Variants in CNTNAP2 observed in about 807,000 individuals in gnomAD.
CNTNAP2 encodes the protein contactin associated protein 2, also known as contactin-associated protein-like 2.
CNTNAP2 carries 98 observed loss-of-function variants against 155.2 expected under a neutral mutation model. The ratio of observed to expected loss-of-function variants is 0.63; its 90% CI spans 0.54 to 0.75. The LOEUF (loss-of-function observed/expected upper bound fraction) is 0.75. CNTNAP2 is among the 30% of genes least tolerant of loss of function. The pLI is 0.00. For missense variants in CNTNAP2, 1,727 were observed against 1,688.1 expected, an observed-to-expected ratio of 1.02 and a Z score of -0.40; for synonymous variants, 651 against 631.2, an observed-to-expected ratio of 1.03 and a Z score of -0.47.
At chr7:147,514,820 C>T (rs1799089666) in intron 11 of CNTNAP2, among the ~76,000 whole-genome samples, 2 of 152,142 alleles carry the variant, frequency 1.3e-5, no homozygotes, top group Admixed American at 1.3e-4. Flanking sequence ...ATGACTCTAT[C>T]ACCGCCATTC....
At chr7:146,770,153 A>G (rs1469011117) in intron 1 of CNTNAP2, among the ~76,000 whole-genome samples, 2 of 151,940 alleles carry the variant, frequency 1.3e-5, no homozygotes, top group Non-Finnish European at 2.9e-5. Flanking sequence ...ATTTTAAACC[A>G]TTTTTATTAC....
At chr7:147,808,374 T>C (rs972521016) in intron 13 of CNTNAP2, among the ~76,000 whole-genome samples, 3 of 152,200 alleles carry the variant, frequency 2.0e-5, no homozygotes, top group Admixed American at 1.3e-4. Flanking sequence ...ATCTCTCATG[T>C]ATGTAGTGGA....
chr7:147,420,024 C>A (rs1797262798), intron 10 of CNTNAP2, among the ~76,000 whole-genome samples: 1 of 152,210 alleles, frequency 6.6e-6, no homozygotes, highest in East Asian at 1.9e-4. Context: ...ACACACAGGG[C>A]CACGAGTTAA....
chr7:148,413,865 C>T (rs10244936), intron 23 of CNTNAP2, among the ~76,000 whole-genome samples: 88,756 of 151,866 alleles, frequency 0.58, 26,647 homozygotes, highest in African/African-American at 0.67. Flanking sequence ...CTCATATTAA[C>T]GTAGCTATTC....
chr7:147,718,080 T>C (rs1796508366), intron 13 of CNTNAP2, among the ~76,000 whole-genome samples: 1 of 152,152 alleles, frequency 6.6e-6, no homozygotes, highest in South Asian at 2.1e-4. Context: ...TCATATTGCT[T>C]GATATAGTAT....
intron 1 of CNTNAP2, among the ~76,000 whole-genome samples, chr7:146,666,005 T>C (rs1800187733): frequency 6.6e-6 from 1 of 151,928 alleles, no homozygotes; most frequent in Admixed American, 6.6e-5. Context: ...GAACATTCAA[T>C]ATCCCCCTTT....
chr7:147,456,469 A>G (rs1022578368), intron 10 of CNTNAP2, among the ~76,000 whole-genome samples: 2 of 152,202 alleles, frequency 1.3e-5, no homozygotes, highest in African/African-American at 4.8e-5. Context: ...TATGAAGGTG[A>G]GCAGAAAACC....
intron 1 of CNTNAP2, among the ~76,000 whole-genome samples, chr7:146,722,148 C>T (rs144860506): frequency 0.034 from 5,187 of 151,704 alleles, 131 homozygotes; most frequent in East Asian, 0.12. Flanking sequence ...CCTTGGCCTC[C>T]CAAAGTGCTG....
At chr7:147,036,141 G>A (rs1799147576) in intron 3 of CNTNAP2, among the ~76,000 whole-genome samples, 1 of 152,182 alleles carries the variant, frequency 6.6e-6, no homozygotes, top group South Asian at 2.1e-4. Flanking sequence ...TAAAGTTTGT[G>A]AGCTATGAAT....
intron 10 of CNTNAP2, among the ~76,000 whole-genome samples, chr7:147,481,751 CT>C: frequency 1.3e-5 from 2 of 152,288 alleles, no homozygotes; most frequent in South Asian, 4.1e-4. Context: ...AAATTGACAC[CT>C]GCCAACTTCT....
chr7:146,242,853 T>C (rs1162540237), intron 1 of CNTNAP2, among the ~76,000 whole-genome samples: 2 of 152,216 alleles, frequency 1.3e-5, no homozygotes, highest in Non-Finnish European at 2.9e-5. Flanking sequence ...ATTTAGAAGA[T>C]GATGTCATCT....
intron 1 of CNTNAP2, among the ~76,000 whole-genome samples, chr7:146,519,782 T>A (rs1396755249): frequency 6.6e-6 from 1 of 151,890 alleles, no homozygotes; most frequent in Non-Finnish European, 1.5e-5. Context: ...AGCTGGCTTT[T>A]GAATAGTGCA....
chr7:147,810,880 C>G (rs1263557612), intron 13 of CNTNAP2, among the ~76,000 whole-genome samples: 4 of 152,122 alleles, frequency 2.6e-5, no homozygotes, highest in African/African-American at 9.7e-5. Context: ...AAAGCAAGAA[C>G]CGGGGTTCCT....
chr7:146,598,345 T>C lies in CNTNAP2; in HGVS notation c.98-175926T>C, dbSNP rs573783328. On this transcript the variant is annotated intron_variant, in intron 1 of 23. Transcript: ENST00000361727. Reference sequence around the variant, plus strand: ...TAAGAATAAAAAAAAGGAATCTCGATCTGACAGGCTAGTTGAGTTCCTGCC... The same window carrying C: ...TAAGAATAAAAAAAAGGAATCTCGACCTGACAGGCTAGTTGAGTTCCTGCC... Among the ~76,000 whole-genome samples the C allele has an allele frequency of 5.3e-5, 8 of 152,252 alleles. 1 individual carries two copies. The East Asian group carries it at 5.8e-4, about 11-fold the overall frequency.
intron 14 of CNTNAP2, among the ~76,000 whole-genome samples, chr7:147,906,529 T>C (rs999101044): frequency 2.0e-5 from 3 of 151,850 alleles, no homozygotes; most frequent in African/African-American, 7.3e-5. Flanking sequence ...CTTGCTCTGT[T>C]GCCTGGGCTG....
chr7:148,098,430 G>A (rs111776429), intron 15 of CNTNAP2, among the ~76,000 whole-genome samples: 9,267 of 115,498 alleles, frequency 0.08, 465 homozygotes, highest in Admixed American at 0.17. Flanking sequence ...GTGACAGAGC[G>A]AGACTCTGTC....
At chr7:147,236,649 A>G (rs1221017423) in intron 8 of CNTNAP2, among the ~76,000 whole-genome samples, 1 of 151,456 alleles carries the variant, frequency 6.6e-6, no homozygotes, top group African/African-American at 2.4e-5. Context: ...TGCTTTCTCT[A>G]GAAAGAAATT....
chr7:146,703,738 C>T (rs190730133), intron 1 of CNTNAP2, among the ~76,000 whole-genome samples: 14 of 152,110 alleles, frequency 9.2e-5, no homozygotes, highest in African/African-American at 1.9e-4. Flanking sequence ...ATGAAGGTTC[C>T]GTTCTCATGA....
At chr7:147,681,134 A>G (rs1300700516) in intron 13 of CNTNAP2, among the ~76,000 whole-genome samples, 2 of 151,992 alleles carry the variant, frequency 1.3e-5, no homozygotes, top group East Asian at 3.9e-4. Flanking sequence ...TCATAGACCA[A>G]AGAGCATATT....
Sources: gnomAD v4.1 joint callset for allele counts (sites outside exome capture counted in the v4.1 genomes callset) on GRCh38, gnomAD v4.1.1 for gene constraint, MANE v1.5 for transcripts, NCBI Gene and HGNC (gene_info 2026-07-23, HGNC 2026-07-21) for gene names.